The following RNGTT variants were observed in gnomAD, a reference collection of about 807,000 sequenced individuals.
RNGTT encodes mRNA-capping enzyme.
RNGTT carries 33 observed loss-of-function variants against 79.3 expected under a neutral mutation model. The observed-to-expected ratio is 0.42, with a 90% confidence interval of 0.32 to 0.56. The LOEUF is 0.56. Among genes scored for constraint, RNGTT ranks in the 20% least tolerant of loss-of-function variants. RNGTT has a pLI of 0.17. For missense variants in RNGTT, 497 were observed against 739.1 expected (o/e 0.67, Z 3.80); for synonymous variants, 222 against 235.9 (o/e 0.94, Z 0.54).
chr6:88,715,930 A>C (rs546643829), intron 13 of RNGTT, among the ~76,000 whole-genome samples: 3 of 152,110 alleles, frequency 2.0e-5, no homozygotes, highest in Non-Finnish European at 4.4e-5. Context: ...TCTAAAACAC[A>C]AAAAGCAATG....
chr6:88,718,952 T>C (rs1428315423), intron 13 of RNGTT, among the ~76,000 whole-genome samples: 1 of 152,180 alleles, frequency 6.6e-6, no homozygotes, highest in East Asian at 1.9e-4. Flanking sequence ...TCCCTTTTCA[T>C]AGTATAAAAA....
chr6:88,921,000 G>C (rs1173741206), intron 4 of RNGTT, among the ~76,000 whole-genome samples: 1 of 152,150 alleles, frequency 6.6e-6, no homozygotes, highest in Non-Finnish European at 1.5e-5. Context: ...ATTTCTTATA[G>C]TATTACTGTA....
intron 4 of RNGTT, among the ~76,000 whole-genome samples, chr6:88,921,792 T>G (rs1784172209): frequency 1.3e-5 from 2 of 151,950 alleles, no homozygotes; most frequent in African/African-American, 4.8e-5. Context: ...AAAAACTCAA[T>G]AAAAAATACA....
chr6:88,807,011 T>C (rs1779979797), intron 11 of RNGTT, among the ~76,000 whole-genome samples: 1 of 152,152 alleles, frequency 6.6e-6, no homozygotes. Flanking sequence ...AAACACTGAA[T>C]GTCCTCACTT....
intron 13 of RNGTT, among the ~76,000 whole-genome samples, chr6:88,727,975 G>C (rs1045113871): frequency 6.6e-6 from 1 of 152,096 alleles, no homozygotes; most frequent in Non-Finnish European, 1.5e-5. Flanking sequence ...GAGTCAGCCC[G>C]GGAAGGACCC....
In RNGTT at chr6:88,893,677, C is replaced by T. The variant is rs143261873; in HGVS notation, c.685-1762G>A. 5.5e-3 allele frequency among the ~76,000 whole-genome samples: 842 copies of T among 152,162 alleles called. 7 individuals carry two copies. The highest frequency in any genetic ancestry group is 0.018 in the African/African-American group (730 of 41,524). ...TACTGAGTCTGGTTATAAAAGTTAA[C>T]CCCAATCACCTAGTAAATGTCTGTC... On this transcript the variant is annotated intron_variant, in intron 6 of 15. Coordinates refer to ENST00000369485, the MANE Select transcript of RNGTT (RefSeq NM_003800.5).
At chr6:88,679,613 A>T (rs1381880053) in intron 13 of RNGTT, among the ~76,000 whole-genome samples, 1 of 152,240 alleles carries the variant, frequency 6.6e-6, no homozygotes, top group Non-Finnish European at 1.5e-5. Flanking sequence ...TCTCTGCATT[A>T]TCCCTTCCTT....
At chr6:88,779,943 A>G (rs34221229) in intron 12 of RNGTT, among the ~76,000 whole-genome samples, 20,846 of 152,238 alleles carry the variant, frequency 0.14, 1,567 homozygotes, top group Middle Eastern at 0.24. Context: ...GCAGTGAGTC[A>G]AGATCACACC....
rs575695179 is a variant in RNGTT, at chr6:88,875,200, TAG to T, written c.896+15293_896+15294del. Among the ~76,000 whole-genome samples the T allele has an allele frequency of 5.0e-3, 757 of 151,898 alleles. 5 individuals carry two copies. Among genetic ancestry groups the T allele is most frequent in the African/African-American group, 0.017 (700 of 41,466 alleles). On this transcript the variant is annotated intron_variant, in intron 8 of 15. Coordinates refer to ENST00000369485, the MANE Select transcript of RNGTT (RefSeq NM_003800.5). ...ACAAAGCAATTTGAAAAAAAAATAA[TAG>T]AGTTTTTCTATTATTTATTTATAAG...
intron 13 of RNGTT, among the ~76,000 whole-genome samples, chr6:88,759,956 G>A (rs1359235722): frequency 2.0e-5 from 3 of 151,784 alleles, no homozygotes; most frequent in East Asian, 1.9e-4. Context: ...TAACATAAAA[G>A]GTAACTTAGA....
intron 11 of RNGTT, among the ~76,000 whole-genome samples, chr6:88,826,862 A>C (rs964583824): frequency 6.8e-6 from 1 of 147,020 alleles, no homozygotes; most frequent in Non-Finnish European, 1.5e-5. Context: ...GTGTATATAT[A>C]TATATATAAT....
chr6:88,629,553 C>A (rs893835762), intron 14 of RNGTT, among the ~76,000 whole-genome samples: 3 of 151,972 alleles, frequency 2.0e-5, no homozygotes, highest in Non-Finnish European at 4.4e-5. Flanking sequence ...GGTTTCTGTT[C>A]TACAGTTGTT....
intron 4 of RNGTT, among the ~76,000 whole-genome samples, chr6:88,917,472 A>G (rs1173014244): frequency 6.6e-6 from 1 of 152,234 alleles, no homozygotes; most frequent in Non-Finnish European, 1.5e-5. Flanking sequence ...ATGCAGTTGG[A>G]GAAAATGAAA....
chr6:88,941,911 T>TA (rs1413897127), intron 1 of RNGTT, among the ~76,000 whole-genome samples: 1 of 152,268 alleles, frequency 6.6e-6, no homozygotes, highest in African/African-American at 2.4e-5. Context: ...TTAAAACTCT[T>TA]AAAAACATAA....
chr6:88,758,161 G>A (rs780406195), intron 13 of RNGTT, among the ~76,000 whole-genome samples: 10 of 151,896 alleles, frequency 6.6e-5, no homozygotes, highest in East Asian at 1.9e-4. Flanking sequence ...CTCCCTCCTC[G>A]TAAGAGAGAG....
At chr6:88,750,781 C>A (rs72925504) in intron 13 of RNGTT, among the ~76,000 whole-genome samples, 2,136 of 152,210 alleles carry the variant, frequency 0.014, 19 homozygotes, top group Middle Eastern at 0.027. Flanking sequence ...TTCAAGTGAA[C>A]CATCTTCTCT....
At chr6:88,856,558 C>T (rs146733131) in intron 8 of RNGTT, among the ~76,000 whole-genome samples, 158 of 152,138 alleles carry the variant, frequency 1.0e-3, no homozygotes, top group East Asian at 3.9e-4. Context: ...CTTTAGAGGA[C>T]GGGATTTACA....
intron 13 of RNGTT, among the ~76,000 whole-genome samples, chr6:88,748,067 A>G (rs927823565): frequency 1.3e-5 from 2 of 152,120 alleles, no homozygotes; most frequent in African/African-American, 4.8e-5. Context: ...GTTTCTCACC[A>G]TTACTAATGT....
At chr6:88,834,556 C>T (rs759597115) in intron 11 of RNGTT, among the ~76,000 whole-genome samples, 16 of 152,154 alleles carry the variant, frequency 1.1e-4, no homozygotes, top group Non-Finnish European at 2.1e-4. Context: ...GGCATAATCA[C>T]TGAAAATCTC....
Sources: gnomAD v4.1 joint callset for allele counts (sites outside exome capture counted in the v4.1 genomes callset) on GRCh38, gnomAD v4.1.1 for gene constraint, MANE v1.5 for transcripts, NCBI Gene and HGNC (gene_info 2026-07-23, HGNC 2026-07-21) for gene names.